Variants in CSMD1 observed in about 807,000 individuals in gnomAD.
CSMD1 encodes CUB and Sushi multiple domains 1.
CSMD1 carries 213 observed loss-of-function variants against 417.5 expected under a neutral mutation model. The ratio of observed to expected loss-of-function variants is 0.51; its 90% CI spans 0.46 to 0.57. The LOEUF (loss-of-function observed/expected upper bound fraction) is 0.57, where lower values mean the gene tolerates loss of function less well. Among genes scored for constraint, CSMD1 ranks in the 20% least tolerant of loss-of-function variants. CSMD1 has a pLI of 0.00. For synonymous variants in CSMD1, 2,862 were observed against 1,736.8 expected (o/e 1.65, Z -16.11); for missense variants, 6,923 against 4,529.7 (o/e 1.53, Z -15.17).
At chr8:3,612,128 C>T (rs769679010) in intron 8 of CSMD1, among the ~76,000 whole-genome samples, 86 of 151,850 alleles carry the variant, frequency 5.7e-4, no homozygotes, top group Non-Finnish European at 9.9e-4. Context: ...TATAGACTAA[C>T]AATAATTCAA....
intron 3 of CSMD1, among the ~76,000 whole-genome samples, chr8:4,151,366 A>C (rs1046638255): frequency 6.6e-6 from 1 of 152,204 alleles, no homozygotes; most frequent in Non-Finnish European, 1.5e-5. Flanking sequence ...CATTAACTAC[A>C]ATTCAGTTTC....
intron 4 of CSMD1, among the ~76,000 whole-genome samples, chr8:4,029,795 C>G (rs960615032): frequency 6.6e-6 from 1 of 152,096 alleles, no homozygotes; most frequent in Non-Finnish European, 1.5e-5. Context: ...AAGTATCTTC[C>G]TCTTATGAAC....
In CSMD1 at chr8:3,493,634, C is replaced by G. The variant is rs377216628; in HGVS notation, c.1437G>C (p.Ser479=). The G allele has an allele frequency of 2.5e-6, 4 of 1,609,628 alleles. No individual in the cohort carries two copies. Among genetic ancestry groups the G allele is most frequent in the Non-Finnish European group, 3.4e-6 (4 of 1,178,006 alleles). Residue 479 remains serine, a synonymous_variant, in exon 11 of 70, where the codon TCG becomes TCC. Coordinates refer to ENST00000635120, the MANE Select transcript of CSMD1 (RefSeq NM_033225.6). The part of the protein sequence containing the change: ...GDAGKVGDTR[S]VLYVLTGSSV... ...AAGGACATACTCACACGTACAAGAC[C>G]GATCTGGTGTCTCCCACCTTCCCAG...
chr8:4,864,957 T>A (rs1489939693), intron 1 of CSMD1, among the ~76,000 whole-genome samples: 1 of 35,882 alleles, frequency 2.8e-5, no homozygotes, highest in African/African-American at 4.0e-5. Context: ...AAAGACATAT[T>A]TAAATATTAT....
chr8:3,013,105 C>G (rs1385420588), intron 52 of CSMD1, among the ~76,000 whole-genome samples: 1 of 152,158 alleles, frequency 6.6e-6, no homozygotes, highest in African/African-American at 2.4e-5. Context: ...TTATAAATTA[C>G]CCAGGCTCAG....
Position 3,796,341 on chromosome 8 carries a change from T to TATCTATCATGTATAGATATAGATAG in CSMD1, c.819-42300_819-42299insCTATCTATATCTATACATGATAGAT, listed in dbSNP as rs1800129466. 2.1e-5 allele frequency among the ~76,000 whole-genome samples: 2 copies of TATCTATCATGTATAGATATAGATAG among 96,044 alleles called. 1 individual carries two copies. The highest frequency in any genetic ancestry group is 4.1e-5 in the Non-Finnish European group (2 of 49,036). The allele number at this position is 96,044 out of a possible 152,430, so 63.0% of individuals were successfully genotyped here. ...TATCTATCATGTATAGATATAGATA[T>TATCTATCATGTATAGATATAGATAG]ATATCTATCATGTATAGATATAGAT... is the stretch of plus-strand genomic sequence containing the variant. On this transcript the variant is annotated intron_variant, in intron 5 of 69. Transcript: ENST00000635120.
chr8:3,209,656 G>T (rs1490326750), intron 30 of CSMD1, among the ~76,000 whole-genome samples: 1 of 152,098 alleles, frequency 6.6e-6, no homozygotes, highest in Non-Finnish European at 1.5e-5. Context: ...GCATTACTGT[G>T]CTAATCTAAG....
intron 2 of CSMD1, among the ~76,000 whole-genome samples, chr8:4,508,131 C>A (rs1385234054): frequency 2.1e-5 from 3 of 142,006 alleles, no homozygotes; most frequent in African/African-American, 5.2e-5. Context: ...AGTGAAATTG[C>A]AGATGTAGGA....
chr8:3,499,175 T>C (rs1235015289), intron 10 of CSMD1, among the ~76,000 whole-genome samples: 1 of 152,180 alleles, frequency 6.6e-6, no homozygotes, highest in Non-Finnish European at 1.5e-5. Context: ...ATGTGTCTCA[T>C]AGTGTCAGTT....
At chr8:4,610,903 T>C (rs1214332131) in intron 2 of CSMD1, among the ~76,000 whole-genome samples, 1 of 152,320 alleles carries the variant, frequency 6.6e-6, no homozygotes, top group East Asian at 1.9e-4. Context: ...TAATTGTCCA[T>C]GAGGAGTTAT....
intron 5 of CSMD1, among the ~76,000 whole-genome samples, chr8:3,869,638 G>C (rs189468660): frequency 9.7e-4 from 148 of 152,246 alleles, no homozygotes; most frequent in African/African-American, 3.4e-3. Flanking sequence ...AGCTAACCTG[G>C]GGAAAGTTCT....
intron 4 of CSMD1, among the ~76,000 whole-genome samples, chr8:4,005,277 C>T (rs913928886): frequency 1.3e-5 from 2 of 152,128 alleles, no homozygotes; most frequent in African/African-American, 4.8e-5. Context: ...ACCCCAATAA[C>T]TTATAGAAAA....
At chr8:3,490,727 C>A (rs1383496478) in intron 11 of CSMD1, among the ~76,000 whole-genome samples, 1 of 152,084 alleles carries the variant, frequency 6.6e-6, no homozygotes, top group Non-Finnish European at 1.5e-5. Flanking sequence ...CTTGCAGGCC[C>A]CTTTCTATCC....
intron 16 of CSMD1, 35 bp from the exon 17 acceptor site, chr8:3,396,416 C>A (rs1051044769): frequency 2.7e-6 from 4 of 1,456,242 alleles, no homozygotes; most frequent in Non-Finnish European, 2.8e-6. Flanking sequence ...AAAAGACATG[C>A]AGAACTGCCA....
chr8:3,691,509 C>G (rs527956864), intron 7 of CSMD1, among the ~76,000 whole-genome samples: 64 of 152,302 alleles, frequency 4.2e-4, no homozygotes, highest in Middle Eastern at 3.4e-3. Flanking sequence ...CATCTAGAAA[C>G]TTGGCCTAGC....
intron 3 of CSMD1, among the ~76,000 whole-genome samples, chr8:4,201,102 G>C (rs537845148): frequency 1.2e-4 from 19 of 152,268 alleles, no homozygotes; most frequent in Admixed American, 9.2e-4. Context: ...TTACCTTTCA[G>C]AGAATCAGTG....
At chr8:3,518,627 G>A (rs1306885846) in intron 10 of CSMD1, among the ~76,000 whole-genome samples, 1 of 152,152 alleles carries the variant, frequency 6.6e-6, no homozygotes, top group Non-Finnish European at 1.5e-5. Context: ...TTAATGTAGG[G>A]TATCAAAAAT....
intron 35 of CSMD1, 64 bp from the exon 36 acceptor site, chr8:3,188,029 G>T: frequency 2.5e-6 from 3 of 1,181,164 alleles, no homozygotes; most frequent in Non-Finnish European, 3.6e-6. Flanking sequence ...CTAATTAGAT[G>T]GGGTTTTGGG....
chr8:3,067,209 G>A (rs766517388), intron 49 of CSMD1, among the ~76,000 whole-genome samples: 31 of 152,096 alleles, frequency 2.0e-4, no homozygotes, highest in African/African-American at 5.8e-4. Flanking sequence ...GGCCCCATGC[G>A]TGAGACAGGA....
Sources: allele counts gnomAD v4.1 joint callset (sites outside exome capture counted in the v4.1 genomes callset), GRCh38; gene constraint gnomAD v4.1.1; transcripts MANE v1.5; gene names NCBI Gene and HGNC (gene_info 2026-07-23, HGNC 2026-07-21).